FER: variants seen among roughly 807,000 people sequenced by gnomAD.
FER encodes tyrosine-protein kinase Fer.
A neutral mutation model predicts 111.0 loss-of-function variants in FER; 63 were observed. The ratio of observed to expected loss-of-function variants is 0.57; its 90% CI spans 0.46 to 0.70. The LOEUF (loss-of-function observed/expected upper bound fraction) is 0.70. FER is among the 30% of genes least tolerant of loss of function. FER has a pLI of 0.00. For missense variants in FER, 914 were observed against 954.0 expected (o/e 0.96, Z 0.55); for synonymous variants, 327 against 313.9 (o/e 1.04, Z -0.44).
intron 11 of FER, among the ~76,000 whole-genome samples, chr5:108,954,204 A>G (rs936046136): frequency 6.6e-6 from 1 of 152,092 alleles, no homozygotes; most frequent in African/African-American, 2.4e-5. Context: ...TGGTTAAGGA[A>G]GTCAGGTGAG....
chr5:108,896,915 G>A (rs1275067029), intron 9 of FER, among the ~76,000 whole-genome samples: 2 of 152,148 alleles, frequency 1.3e-5, no homozygotes, highest in African/African-American at 2.4e-5. Flanking sequence ...AATATATAGT[G>A]TGGGCTATTT....
At chr5:109,144,513 G>A (rs970041651) in intron 17 of FER, among the ~76,000 whole-genome samples, 3 of 152,222 alleles carry the variant, frequency 2.0e-5, no homozygotes, top group African/African-American at 4.8e-5. Context: ...AATTATCTAT[G>A]TATATCAGAT....
intron 2 of FER, among the ~76,000 whole-genome samples, chr5:108,789,753 C>T (rs980268370): frequency 6.6e-6 from 1 of 151,994 alleles, no homozygotes; most frequent in Non-Finnish European, 1.5e-5. Flanking sequence ...CAGGTGCACG[C>T]CACCATACCC....
At chr5:108,938,162 G>A (rs1755779971) in intron 10 of FER, among the ~76,000 whole-genome samples, 1 of 151,702 alleles carries the variant, frequency 6.6e-6, no homozygotes, top group African/African-American at 2.4e-5. Context: ...TAAGGTGTAA[G>A]GTTCTTAGGA....
intron 2 of FER, among the ~76,000 whole-genome samples, chr5:108,774,494 G>C (rs966558004): frequency 2.6e-4 from 40 of 152,138 alleles, no homozygotes; most frequent in African/African-American, 9.7e-4. Context: ...CTTCCACAAT[G>C]GTTGAACTAA....
intron 13 of FER, among the ~76,000 whole-genome samples, chr5:108,961,362 A>G (rs780772391): frequency 1.9e-4 from 29 of 152,294 alleles, no homozygotes; most frequent in Admixed American, 5.2e-4. Context: ...CTAGGAATAC[A>G]AAATTTCAAA....
At chr5:108,834,886 G>T (rs1760451742) in intron 4 of FER, among the ~76,000 whole-genome samples, 1 of 151,990 alleles carries the variant, frequency 6.6e-6, no homozygotes, top group South Asian at 2.1e-4. Flanking sequence ...TTTAAAAGGG[G>T]TTTGAGATTA....
At chr5:108,891,052 CTA>C (rs1463996796) in intron 9 of FER, among the ~76,000 whole-genome samples, 2 of 151,984 alleles carry the variant, frequency 1.3e-5, no homozygotes, top group Non-Finnish European at 2.9e-5. Flanking sequence ...TTTCACTATG[CTA>C]TATTTGAGCC....
intron 11 of FER, among the ~76,000 whole-genome samples, chr5:108,948,931 A>T (rs1757364564): frequency 6.6e-6 from 1 of 152,144 alleles, no homozygotes; most frequent in Non-Finnish European, 1.5e-5. Flanking sequence ...CAGAAGAATT[A>T]TTAAATTATT....
chr5:108,795,039 G>A (rs1755855037), intron 2 of FER, among the ~76,000 whole-genome samples: 1 of 151,874 alleles, frequency 6.6e-6, no homozygotes, highest in African/African-American at 2.4e-5. Flanking sequence ...TTTTTTGGCT[G>A]GACATGGTGG....
intron 1 of FER, among the ~76,000 whole-genome samples, chr5:108,760,158 GTTTTT>G (rs36078731): frequency 7.1e-6 from 1 of 141,092 alleles, no homozygotes; most frequent in African/African-American, 2.6e-5. Context: ...GCAGTCTTCT[GTTTTT>G]TTTTTTTTTT....
intron 11 of FER, among the ~76,000 whole-genome samples, chr5:108,952,311 T>C (rs3797820): frequency 0.14 from 21,233 of 151,940 alleles, 1,900 homozygotes; most frequent in African/African-American, 0.25. Flanking sequence ...TACATTTTTT[T>C]TGCTGATGCA....
chr5:108,927,601 A>G (rs1006399546), intron 10 of FER, among the ~76,000 whole-genome samples: 9 of 152,038 alleles, frequency 5.9e-5, no homozygotes, highest in Non-Finnish European at 1.2e-4. Context: ...CTTTACCCTC[A>G]TGTGAAAGTC....
At chr5:108,909,827 G>T (rs1042726518) in intron 10 of FER, among the ~76,000 whole-genome samples, 57 of 150,442 alleles carry the variant, frequency 3.8e-4, no homozygotes, top group African/African-American at 1.4e-3. Context: ...ATAATATTTT[G>T]AGGAAAACAA....
chr5:108,969,616 T>TTTTTTTTTTTTTTTTTTGAGAC (rs1561695264), intron 13 of FER, among the ~76,000 whole-genome samples: 12 of 149,050 alleles, frequency 8.1e-5, no homozygotes, highest in African/African-American at 3.1e-4. Context: ...TTAATTTTTT[T>TTTTTTTTTTTTTTTTTTGAGAC]GAACACTGTG....
At chr5:108,956,752 A>G (rs954295597) in intron 12 of FER, among the ~76,000 whole-genome samples, 1 of 151,542 alleles carries the variant, frequency 6.6e-6, no homozygotes, top group Non-Finnish European at 1.5e-5. Flanking sequence ...AAGCAGTTGT[A>G]AACAGTTTAA....
intron 19 of FER, among the ~76,000 whole-genome samples, chr5:109,186,964 A>T (rs1457065329): frequency 6.6e-6 from 1 of 152,242 alleles, no homozygotes. Flanking sequence ...TGCACTGCTG[A>T]AACACTGCCA....
At chr5:108,895,287 T>G (rs1202307859) in intron 9 of FER, among the ~76,000 whole-genome samples, 2 of 152,210 alleles carry the variant, frequency 1.3e-5, no homozygotes, top group African/African-American at 4.8e-5. Context: ...ATGGATATGT[T>G]GTCTATCAGG....
chr5:109,044,364 G>A (rs971295117), intron 14 of FER, among the ~76,000 whole-genome samples: 2 of 152,052 alleles, frequency 1.3e-5, no homozygotes, highest in Admixed American at 1.3e-4. Context: ...TATTTTTTTA[G>A]TAGAGACGGG....
Sources: allele counts gnomAD v4.1 joint callset (sites outside exome capture counted in the v4.1 genomes callset), GRCh38; gene constraint gnomAD v4.1.1; transcripts MANE v1.5; gene names NCBI Gene and HGNC (gene_info 2026-07-23, HGNC 2026-07-21).